Variants in CALU observed in about 807,000 individuals in gnomAD.
The protein encoded by CALU is IEF SSP 9302.
CALU carries 13 observed loss-of-function variants against 37.5 expected under a neutral mutation model. The observed-to-expected ratio is 0.35, with a 90% CI of 0.23 to 0.55. The LOEUF (loss-of-function observed/expected upper bound fraction) is 0.55. CALU is among the 20% of genes least tolerant of loss of function. CALU has a pLI of 0.89. For missense variants in CALU, 282 were observed against 391.7 expected (o/e 0.72, Z 2.36); for synonymous variants, 114 against 133.8 (o/e 0.85, Z 1.02).
intron 3 of CALU, chr7:128,754,683 T>G (rs1407514189): frequency 6.4e-7 from 1 of 1,552,246 alleles, no homozygotes; most frequent in South Asian, 1.2e-5. Flanking sequence ...CTTAATCTCC[T>G]GGGATGAGTA....
intron 1 of CALU, among the ~76,000 whole-genome samples, chr7:128,740,651 T>TGGGGGGTG (rs1800199542): frequency 1.6e-4 from 1 of 6,244 alleles, no homozygotes; most frequent in Admixed American, 2.0e-3. Context: ...TTACTGTGAT[T>TGGGGGGTG]GGGGGGTGGG....
rs528924328 is a variant in CALU, at chr7:128,771,936, G to A, written c.*2769G>A. 2 of 153,738 alleles carry A rather than the reference G, an allele frequency of 1.3e-5. No homozygotes were observed. The highest frequency in any genetic ancestry group is 4.8e-5 in the African/African-American group (2 of 41,562). The allele number at this position is 153,738 out of a possible 1,614,324, so 9.5% of individuals were successfully genotyped here. A position where few individuals can be genotyped will look rare whatever the true frequency, so the allele number is the denominator to read the frequency against. On this transcript the variant is annotated 3_prime_UTR_variant, in exon 7 of 7. Coordinates refer to ENST00000249364, the MANE Select transcript of CALU (RefSeq NM_001219.5). ...ATATAAAGGTTTAGCCAAATGCAAC[G>A]GGGAGGAAGCACCTGGAATAATTTG...
At chr7:128,766,425 C>CTTTTTTTTTTTTTTT (rs11288081) in intron 5 of CALU, among the ~76,000 whole-genome samples, 2 of 95,010 alleles carry the variant, frequency 2.1e-5, no homozygotes, top group Admixed American at 1.3e-4. Flanking sequence ...ATTTCTTTTT[C>CTTTTTTTTTTTTTTT]TTTTTTTTTT....
rs752214417 is a variant in CALU, at chr7:128,769,151, G to A, written c.932G>A (p.Arg311Gln). The A allele has an allele frequency of 2.2e-5, 35 of 1,589,414 alleles. No homozygotes were observed. The highest frequency in any genetic ancestry group is 5.0e-5 in the Admixed American group (3 of 59,822). Residue 311 changes from arginine to glutamine, a missense_variant, in exon 7 of 7, where the codon CGG becomes CAG. Transcript: ENST00000249364. ...ACAGATTTTGGGGAGGCCTTAGTAC[G>A]GCATGATGAGTTCTGAGCTACGGAG... ...QATDFGEALV[R>Q]HDEF
At position 128,754,278 on chromosome 7, in the gene CALU, A is replaced by C; in HGVS notation, c.238A>C (p.Ile80Leu). ...TTTCTACAGAAAGATTGTAAGTAAA[A>C]TAGATGGCGACAAGGACGGGTTTGT... ...KERLGKIVSK[I>L]DGDKDGFVTV... is the part of the protein sequence containing the mutation. The change falls in exon 3 of 7, where the codon ATA (isoleucine) becomes CTA (leucine). Residue 80 changes from isoleucine (I) to leucine (L), a missense_variant. Transcript: ENST00000249364. The C allele has an allele frequency of 6.2e-7, 1 of 1,607,014 alleles. No homozygotes were observed. Among genetic ancestry groups the C allele is most frequent in the Non-Finnish European group, 8.5e-7 (1 of 1,177,890 alleles).
At chr7:128,756,841 C>T (rs535755083) in intron 3 of CALU, among the ~76,000 whole-genome samples, 3 of 152,134 alleles carry the variant, frequency 2.0e-5, no homozygotes, top group Admixed American at 6.5e-5. Flanking sequence ...TTTGGGAGGC[C>T]GAGGCAGAAA....
At chr7:128,749,413 T>G (rs528370905) in intron 2 of CALU, among the ~76,000 whole-genome samples, 1 of 152,364 alleles carries the variant, frequency 6.6e-6, no homozygotes, top group East Asian at 1.9e-4. Context: ...AGACATCTTT[T>G]GTCCTGAAAA....
At chr7:128,750,241 GA>G (rs1800620238) in intron 2 of CALU, among the ~76,000 whole-genome samples, 1 of 76,890 alleles carries the variant, frequency 1.3e-5, no homozygotes, top group African/African-American at 3.7e-5. Flanking sequence ...AAAAAAAAAA[GA>G]AAATAGAAAT....
At chr7:128,740,891 TA>T (rs1262172386) in intron 1 of CALU, among the ~76,000 whole-genome samples, 2 of 152,208 alleles carry the variant, frequency 1.3e-5, no homozygotes, top group Non-Finnish European at 2.9e-5. Flanking sequence ...ATATTGGTGT[TA>T]TTTTTTAAAA....
intron 5 of CALU, among the ~76,000 whole-genome samples, chr7:128,761,026 C>T (rs758276707): frequency 1.8e-4 from 27 of 152,096 alleles, no homozygotes; most frequent in Non-Finnish European, 3.2e-4. Context: ...GTTGCTGATC[C>T]CTCTTGTAGC....
intron 1 of CALU, among the ~76,000 whole-genome samples, chr7:128,744,566 GAAGTA>G (rs1161480549): frequency 6.6e-6 from 1 of 152,050 alleles, no homozygotes; most frequent in African/African-American, 2.4e-5. Flanking sequence ...GAAAGATAAA[GAAGTA>G]AAGATGGACC....
intron 2 of CALU, among the ~76,000 whole-genome samples, chr7:128,750,865 A>G (rs1361972396): frequency 6.6e-6 from 1 of 152,244 alleles, no homozygotes; most frequent in Non-Finnish European, 1.5e-5. Flanking sequence ...CTAAAAGAAC[A>G]CAGGAAGCAT....
chr7:128,757,786 T>G (rs1315096924), intron 3 of CALU, among the ~76,000 whole-genome samples: 2 of 152,218 alleles, frequency 1.3e-5, no homozygotes, highest in Non-Finnish European at 2.9e-5. Context: ...GCCACATTTT[T>G]TCAGCTTAAA....
intron 2 of CALU, among the ~76,000 whole-genome samples, chr7:128,750,275 A>G (rs1800622196): frequency 3.3e-5 from 5 of 151,858 alleles, no homozygotes; most frequent in Admixed American, 1.3e-4. Context: ...CTAAGTCTTC[A>G]TGTCATGCCC....
intron 5 of CALU, among the ~76,000 whole-genome samples, chr7:128,766,995 C>A (rs192668888): frequency 6.6e-6 from 1 of 152,300 alleles, no homozygotes; most frequent in African/African-American, 2.4e-5. Flanking sequence ...ACTGACCTTT[C>A]TCAGTGTACT....
At chr7:128,745,950 G>A (rs1800415744) in intron 1 of CALU, among the ~76,000 whole-genome samples, 1 of 152,286 alleles carries the variant, frequency 6.6e-6, no homozygotes, top group African/African-American at 2.4e-5. Context: ...GGTTACCACT[G>A]TTTACACATG....
At chr7:128,744,639 A>G (rs867617634) in intron 1 of CALU, among the ~76,000 whole-genome samples, 1 of 152,230 alleles carries the variant, frequency 6.6e-6, no homozygotes, top group Middle Eastern at 3.4e-3. Context: ...ATCAATAGTA[A>G]GGAAGCCAGG....
At chr7:128,756,685 C>A (rs1240958046) in intron 3 of CALU, among the ~76,000 whole-genome samples, 1 of 152,170 alleles carries the variant, frequency 6.6e-6, no homozygotes, top group Non-Finnish European at 1.5e-5. Flanking sequence ...CAAGAGCCTA[C>A]CTAAAGCTGT....
intron 5 of CALU, among the ~76,000 whole-genome samples, chr7:128,763,659 A>G (rs1801210360): frequency 6.6e-6 from 1 of 152,202 alleles, no homozygotes; most frequent in Non-Finnish European, 1.5e-5. Context: ...TCTTTTAAGC[A>G]TGTGTCTATT....
Sources: gnomAD v4.1 joint callset for allele counts (sites outside exome capture counted in the v4.1 genomes callset) on GRCh38, gnomAD v4.1.1 for gene constraint, MANE v1.5 for transcripts, NCBI Gene and HGNC (gene_info 2026-07-23, HGNC 2026-07-21) for gene names.